The following ST6GALNAC3 variants were observed in gnomAD, a reference collection of about 807,000 sequenced individuals.
The protein encoded by ST6GALNAC3 is ST6 N-acetylgalactosaminide alpha-2,6-sialyltransferase 3.
ST6GALNAC3 carries 25 observed loss-of-function variants against 32.7 expected under a neutral mutation model. That is an observed-to-expected ratio of 0.76 (90% CI 0.56 to 1.07). ST6GALNAC3 has a LOEUF of 1.07. Ranked by LOEUF, ST6GALNAC3 falls within the 50% of genes least tolerant of loss-of-function variation. The probability of loss-of-function intolerance (pLI) is 0.00; values close to 1 mark genes in which losing one functional copy is unlikely to be tolerated. For synonymous variants in ST6GALNAC3, 129 were observed against 133.1 expected, an observed-to-expected ratio of 0.97 and a Z score of 0.21; for missense variants, 355 against 382.4, an observed-to-expected ratio of 0.93 and a Z score of 0.60.
intron 1 of ST6GALNAC3, among the ~76,000 whole-genome samples, chr1:76,186,989 T>C (rs1299237475): frequency 3.9e-5 from 6 of 152,166 alleles, no homozygotes; most frequent in African/African-American, 1.4e-4. Flanking sequence ...TGCATATCCA[T>C]CCCTTCCTCC....
At chr1:76,599,073 C>T (rs1463772854) in intron 3 of ST6GALNAC3, among the ~76,000 whole-genome samples, 1 of 152,038 alleles carries the variant, frequency 6.6e-6, no homozygotes, top group Non-Finnish European at 1.5e-5. Context: ...TTTTTTCTTA[C>T]AGACATTTTG....
intron 3 of ST6GALNAC3, among the ~76,000 whole-genome samples, chr1:76,466,818 G>GT (rs1386885565): frequency 1.3e-5 from 2 of 152,060 alleles, no homozygotes; most frequent in African/African-American, 4.8e-5. Flanking sequence ...ATAGAGCTCA[G>GT]TAAAAAGTAC....
At chr1:76,155,287 C>T (rs1651326287) in intron 1 of ST6GALNAC3, among the ~76,000 whole-genome samples, 2 of 152,242 alleles carry the variant, frequency 1.3e-5, no homozygotes, top group South Asian at 4.1e-4. Context: ...CTCCTCCATG[C>T]GCCTACACTG....
At chr1:76,636,455 G>T (rs1349663042), downstream of ST6GALNAC3, among the ~76,000 whole-genome samples, 1 of 151,738 alleles carries the variant, frequency 6.6e-6, no homozygotes, top group Non-Finnish European at 1.5e-5. Flanking sequence ...AAATATAATT[G>T]CTATTTCTTG....
At chr1:76,605,813 C>T (rs1180884398) in intron 3 of ST6GALNAC3, among the ~76,000 whole-genome samples, 8 of 120,968 alleles carry the variant, frequency 6.6e-5, no homozygotes, top group Non-Finnish European at 9.5e-5. Flanking sequence ...TGCAGTGAGC[C>T]GAGATTGTGC....
Position 76,632,079 on chromosome 1 carries a change from T to C in ST6GALNAC3, c.*3273T>C, listed in dbSNP as rs957210921. ...GTGTGTGAACGCACATATATATACA[T>C]CTATATACTTATAACTATATATAAA... On this transcript the variant is annotated 3_prime_UTR_variant, in exon 5 of 5. Coordinates refer to ENST00000328299, the MANE Select transcript of ST6GALNAC3 (RefSeq NM_152996.4). 1 of 152,088 alleles carries C rather than the reference T, an allele frequency of 6.6e-6. No homozygotes were observed. Among genetic ancestry groups the C allele is most frequent in the African/African-American group, 2.4e-5 (1 of 41,438 alleles). 9.4% of individuals were successfully genotyped at this position (152,088 alleles called of 1,614,324 possible). A position where few individuals can be genotyped will look rare whatever the true frequency, so the allele number is the denominator to read the frequency against.
chr1:76,085,742 C>T (rs1377626614), intron 1 of ST6GALNAC3, among the ~76,000 whole-genome samples: 1 of 152,138 alleles, frequency 6.6e-6, no homozygotes, highest in Admixed American at 6.5e-5. Context: ...ATCTGGGAAC[C>T]GCACTTTGAT....
At chr1:76,525,731 GTATATGTATATATA>G (rs1184209809) in intron 3 of ST6GALNAC3, among the ~76,000 whole-genome samples, 2 of 142,272 alleles carry the variant, frequency 1.4e-5, no homozygotes, top group African/African-American at 5.0e-5. Context: ...ATATGTGTGT[GTATATGTATATATA>G]TATGTGTATA....
At chr1:76,473,718 A>T (rs543261810) in intron 3 of ST6GALNAC3, among the ~76,000 whole-genome samples, 1 of 152,104 alleles carries the variant, frequency 6.6e-6, no homozygotes, top group Admixed American at 6.6e-5. Flanking sequence ...TTATCTTGTG[A>T]TGATCAGATG....
At chr1:76,391,522 ACCTTCCTT>A (rs71071997) in intron 2 of ST6GALNAC3, among the ~76,000 whole-genome samples, 47,604 of 137,398 alleles carry the variant, frequency 0.35, 8,705 homozygotes, top group East Asian at 0.57. Context: ...ATTAGGAAAG[ACCTTCCTT>A]CCTTCCTTCC....
intron 2 of ST6GALNAC3, among the ~76,000 whole-genome samples, chr1:76,398,694 A>C (rs926475562): frequency 1.3e-5 from 2 of 152,154 alleles, no homozygotes; most frequent in African/African-American, 4.8e-5. Flanking sequence ...TGTGTACATG[A>C]AAATTGGTAC....
intron 2 of ST6GALNAC3, among the ~76,000 whole-genome samples, chr1:76,337,380 A>C (rs2100979858): frequency 1.3e-5 from 2 of 152,308 alleles, no homozygotes; most frequent in Non-Finnish European, 2.9e-5. Flanking sequence ...AGAGTGGCAC[A>C]GAAATAGTCG....
chr1:76,610,474 C>A (rs149347772), intron 3 of ST6GALNAC3, among the ~76,000 whole-genome samples: 1 of 152,224 alleles, frequency 6.6e-6, no homozygotes, highest in East Asian at 1.9e-4. Flanking sequence ...GAATCCCAGG[C>A]AGGAGAACCA....
At chr1:76,616,112 CAACA>C (rs1334394694) in intron 3 of ST6GALNAC3, among the ~76,000 whole-genome samples, 5 of 152,240 alleles carry the variant, frequency 3.3e-5, no homozygotes, top group South Asian at 2.1e-4. Context: ...TTACTGTAAG[CAACA>C]AACAAACAGA....
intron 3 of ST6GALNAC3, among the ~76,000 whole-genome samples, chr1:76,614,718 C>CAAAAAAAAAA (rs55744575): frequency 4.7e-4 from 32 of 67,522 alleles, no homozygotes; most frequent in African/African-American, 1.5e-3. Flanking sequence ...GACTCCATCT[C>CAAAAAAAAAA]AAAAAAAAAA....
intron 1 of ST6GALNAC3, among the ~76,000 whole-genome samples, chr1:76,173,565 A>G (rs1433487183): frequency 3.3e-5 from 5 of 152,242 alleles, no homozygotes; most frequent in African/African-American, 1.2e-4. Context: ...AGAATGGTAG[A>G]ACATTTTTGC....
intron 2 of ST6GALNAC3, among the ~76,000 whole-genome samples, chr1:76,398,460 G>A (rs917995782): frequency 5.3e-5 from 8 of 152,050 alleles, no homozygotes; most frequent in South Asian, 2.1e-4. Context: ...GTTCTTTACC[G>A]TGTTAAGAAA....
chr1:76,187,863 A>G (rs1225316094), intron 1 of ST6GALNAC3, among the ~76,000 whole-genome samples: 1 of 152,184 alleles, frequency 6.6e-6, no homozygotes, highest in African/African-American at 2.4e-5. Context: ...TGTCCGTCCC[A>G]GGATTGCCTT....
At chr1:76,078,364 A>G (rs1487892825) in intron 1 of ST6GALNAC3, among the ~76,000 whole-genome samples, 1 of 152,190 alleles carries the variant, frequency 6.6e-6, no homozygotes, top group Admixed American at 6.5e-5. Flanking sequence ...ATATGGAACT[A>G]TCCCCTCAAG....
Sources: allele counts gnomAD v4.1 joint callset (sites outside exome capture counted in the v4.1 genomes callset), GRCh38; gene constraint gnomAD v4.1.1; transcripts MANE v1.5; gene names NCBI Gene and HGNC (gene_info 2026-07-23, HGNC 2026-07-21).